Variants in ALK observed in about 807,000 individuals in gnomAD.
ALK encodes the protein ALK tyrosine kinase receptor.
A neutral mutation model predicts 163.1 loss-of-function variants in ALK; 74 were observed. The ratio of observed to expected loss-of-function variants is 0.45; its 90% CI spans 0.38 to 0.55. ALK has a LOEUF of 0.55. Ranked by LOEUF, ALK falls within the 20% of genes least tolerant of loss-of-function variation. ALK has a pLI of 0.00. For missense variants in ALK, 2,063 were observed against 2,105.3 expected (o/e 0.98, Z 0.39); for synonymous variants, 960 against 843.2 (o/e 1.14, Z -2.40).
Position 29,197,604 on chromosome 2 carries a change from T to C in ALK, c.4011A>G (p.Glu1337=), listed in dbSNP as rs2148143423. The change falls in exon 27 of 29, where the codon GAA becomes GAG. Residue 1337 remains glutamate (E), a synonymous_variant. Transcript: ENST00000389048. ...YMPYPSKSNQ[E]VLEFVTSGGR... is the part of the protein sequence containing the mutation. ...CTCCACTGGTGACAAACTCCAGAAC[T>C]TCCTGGTTGCTTTTGCTGGGGTATG... The C allele has an allele frequency of 2.5e-6, 4 of 1,614,034 alleles. No individual in the cohort carries two copies. In the South Asian group the frequency reaches 4.4e-5, roughly 18 times the overall value.
chr2:29,886,321 C>T (rs1230156069), intron 1 of ALK, among the ~76,000 whole-genome samples: 1 of 152,200 alleles, frequency 6.6e-6, no homozygotes, highest in Non-Finnish European at 1.5e-5. Flanking sequence ...AAATGTTCTA[C>T]TTGGATTTTT....
intron 1 of ALK, among the ~76,000 whole-genome samples, chr2:29,842,519 A>G (rs1665727060): frequency 6.6e-6 from 1 of 152,146 alleles, no homozygotes. Flanking sequence ...TACCCCACAC[A>G]GTTACCACTT....
intron 26 of ALK, among the ~76,000 whole-genome samples, chr2:29,202,001 G>A (rs1038120532): frequency 4.0e-5 from 6 of 151,818 alleles, no homozygotes; most frequent in Non-Finnish European, 5.9e-5. Context: ...CCCTTCAACC[G>A]GCATCCCATG....
At chr2:29,242,900 C>T (rs563717737) in intron 12 of ALK, among the ~76,000 whole-genome samples, 2 of 152,322 alleles carry the variant, frequency 1.3e-5, no homozygotes, top group African/African-American at 2.4e-5. Flanking sequence ...CTCAGCCCCA[C>T]ATTTCCAACC....
chr2:29,703,733 G>T (rs779328676), intron 2 of ALK, among the ~76,000 whole-genome samples: 1 of 152,172 alleles, frequency 6.6e-6, no homozygotes, highest in Admixed American at 6.5e-5. Flanking sequence ...AAGTAAGGTT[G>T]GCATTGCCTT....
At chr2:29,424,763 G>A (rs1670095634) in intron 4 of ALK, among the ~76,000 whole-genome samples, 1 of 152,190 alleles carries the variant, frequency 6.6e-6, no homozygotes, top group Non-Finnish European at 1.5e-5. Context: ...GGAGTTGAGA[G>A]AAAGACACTT....
chr2:29,349,115 G>A lies in ALK; in HGVS notation c.1283-20634C>T, dbSNP rs559196745. On this transcript the variant is annotated intron_variant, in intron 5 of 28. Transcript: ENST00000389048. ...GAGTAAGTCTTGATGAATGTTGGCT[G>A]CATTACTAGCTCAGTCCCCACTCCA... 7.2e-5 allele frequency among the ~76,000 whole-genome samples: 11 copies of A among 152,308 alleles called. No homozygotes were observed. The South Asian group carries it at 2.3e-3, about 32-fold the overall frequency.
intron 3 of ALK, among the ~76,000 whole-genome samples, chr2:29,537,017 G>A (rs1039195328): frequency 4.6e-5 from 7 of 152,168 alleles, no homozygotes; most frequent in Non-Finnish European, 1.0e-4. Context: ...AGATATGGGA[G>A]CAAAGAAATG....
intron 1 of ALK, among the ~76,000 whole-genome samples, chr2:29,754,779 T>C (rs916720066): frequency 6.6e-6 from 1 of 152,158 alleles, no homozygotes; most frequent in African/African-American, 2.4e-5. Context: ...TGCCAATCCA[T>C]ACATGTTGGT....
chr2:29,216,177 C>A (rs928749686), intron 23 of ALK, among the ~76,000 whole-genome samples: 1 of 152,208 alleles, frequency 6.6e-6, no homozygotes, highest in African/African-American at 2.4e-5. Context: ...CCATCTGCCG[C>A]TGGAGTGCAG....
chr2:29,491,681 G>A (rs1051126528), intron 4 of ALK, among the ~76,000 whole-genome samples: 5 of 152,192 alleles, frequency 3.3e-5, no homozygotes, highest in Non-Finnish European at 7.3e-5. Flanking sequence ...AAGCAGCTGA[G>A]CTTGTTAATG....
chr2:29,319,564 G>T (rs979362312), intron 7 of ALK, among the ~76,000 whole-genome samples: 9 of 152,316 alleles, frequency 5.9e-5, no homozygotes, highest in Admixed American at 3.3e-4. Flanking sequence ...GGGGCAAAAG[G>T]CATGATAAAT....
rs1205872006 is a variant in ALK, at chr2:29,305,788, G to T, written c.1648-8731C>A. Among the ~76,000 whole-genome samples the T allele has an allele frequency of 2.6e-5, 4 of 151,382 alleles. No individual in the cohort carries two copies. The East Asian group carries it at 7.8e-4, about 30-fold the overall frequency. ...ACAGACCAGGGGCTGGGGGTTGGGG[G>T]GTAGTTTCAGGATGATTCAAGCACA... On this transcript the variant is annotated intron_variant, in intron 8 of 28. Coordinates refer to ENST00000389048, the MANE Select transcript of ALK (RefSeq NM_004304.5).
intron 1 of ALK, among the ~76,000 whole-genome samples, chr2:29,734,160 C>T (rs538484933): frequency 3.4e-4 from 52 of 152,298 alleles, no homozygotes; most frequent in Non-Finnish European, 7.2e-4. Context: ...CAGCCTCCTT[C>T]TAGCCATGTG....
intron 1 of ALK, among the ~76,000 whole-genome samples, chr2:29,858,685 G>A (rs924119832): frequency 7.9e-5 from 12 of 152,238 alleles, no homozygotes; most frequent in African/African-American, 2.6e-4. Flanking sequence ...GGAGGATGCA[G>A]TGAGCCAAGA....
At chr2:29,908,847 T>C (rs536496887) in intron 1 of ALK, among the ~76,000 whole-genome samples, 3 of 152,356 alleles carry the variant, frequency 2.0e-5, no homozygotes, top group South Asian at 2.1e-4. Flanking sequence ...ATTGGAGTTA[T>C]TTATTAGCAT....
At chr2:29,413,257 C>T (rs528002927) in intron 4 of ALK, among the ~76,000 whole-genome samples, 15 of 152,130 alleles carry the variant, frequency 9.9e-5, no homozygotes, top group Admixed American at 6.5e-4. Flanking sequence ...GGTAACATGG[C>T]GTATGTTTTA....
intron 5 of ALK, among the ~76,000 whole-genome samples, chr2:29,329,551 C>A (rs1033261651): frequency 5.3e-5 from 8 of 152,178 alleles, no homozygotes; most frequent in Admixed American, 2.0e-4. Flanking sequence ...GGTGCTAAAC[C>A]CATCTCAGTG....
chr2:29,692,565 T>G (rs997585695), intron 3 of ALK, among the ~76,000 whole-genome samples: 2 of 152,226 alleles, frequency 1.3e-5, no homozygotes, highest in Non-Finnish European at 2.9e-5. Context: ...ACAATACGAT[T>G]CACGTTTTTA....
Sources: allele counts gnomAD v4.1 joint callset (sites outside exome capture counted in the v4.1 genomes callset), GRCh38; gene constraint gnomAD v4.1.1; transcripts MANE v1.5; gene names NCBI Gene and HGNC (gene_info 2026-07-23, HGNC 2026-07-21).